IRAK1BP1: variants seen among roughly 807,000 people sequenced by gnomAD.
IRAK1BP1 encodes interleukin 1 receptor associated kinase 1 binding protein 1, also known as interleukin-1 receptor-associated kinase 1-binding protein 1.
In IRAK1BP1, 24 loss-of-function variants were observed where a neutral mutation model predicts 28.0. The ratio of observed to expected loss-of-function variants is 0.86; its 90% confidence interval spans 0.62 to 1.20. IRAK1BP1 has a LOEUF of 1.20. Among genes scored for constraint, IRAK1BP1 ranks in the 50% most tolerant of loss-of-function variants. The pLI, the probability that IRAK1BP1 is intolerant of heterozygous loss-of-function variation, is 0.00. For missense variants in IRAK1BP1, 336 were observed against 316.7 expected, an observed-to-expected ratio of 1.06 and a Z score of -0.46; for synonymous variants, 131 against 116.3, an observed-to-expected ratio of 1.13 and a Z score of -0.81.
chr6:78,975,905 C>A, the IRAK1BP1 span, among the ~76,000 whole-genome samples: 1 of 150,274 alleles, frequency 6.7e-6, no homozygotes. Context: ...ACATTCCATG[C>A]TCATGGGTAG....
At chr6:78,957,780 A>G in the IRAK1BP1 span, 1 of 152,002 alleles carries the variant, frequency 6.6e-6, no homozygotes, top group African/African-American at 2.4e-5. Context: ...TAGGAGGCTC[A>G]ATTCATTATA....
downstream of IRAK1BP1, chr6:78,946,596 C>A: frequency 1.4e-6 from 2 of 1,424,228 alleles, no homozygotes; most frequent in Non-Finnish European, 1.8e-6. Context: ...ACTTGCATGT[C>A]AAATTATCAT....
intron 2 of IRAK1BP1, among the ~76,000 whole-genome samples, chr6:78,888,360 A>G (rs977671660): frequency 6.6e-6 from 1 of 152,186 alleles, no homozygotes; most frequent in Non-Finnish European, 1.5e-5. Context: ...TCATACACAT[A>G]CACAAAGGAC....
chr6:78,946,001 T>C lies in IRAK1BP1; in HGVS notation c.*661T>C, dbSNP rs201316256. On this transcript the variant is annotated 3_prime_UTR_variant and NMD_transcript_variant, in exon 5 of 5. Transcript: ENST00000606868. ...TTTCAATTTAGAAAGTGAGTCTTACTTGTTTTCCCTGGTATTGCAGATGCA... is the reference window on the plus strand; with the variant it reads ...TTTCAATTTAGAAAGTGAGTCTTACCTGTTTTCCCTGGTATTGCAGATGCA... 199 of 1,600,268 alleles carry C rather than the reference T, an allele frequency of 1.2e-4. 1 individual carries two copies. The South Asian group carries it at 1.6e-3, about 13-fold the overall frequency.
At chr6:78,887,260 A>G (rs780201390) in intron 2 of IRAK1BP1, among the ~76,000 whole-genome samples, 1 of 152,206 alleles carries the variant, frequency 6.6e-6, no homozygotes, top group Non-Finnish European at 1.5e-5. Context: ...AGACATACAG[A>G]TGGACAAAAG....
At chr6:78,874,370 A>G (rs936513770) in intron 1 of IRAK1BP1, among the ~76,000 whole-genome samples, 1 of 152,086 alleles carries the variant, frequency 6.6e-6, no homozygotes, top group African/African-American at 2.4e-5. Context: ...GGAAGAGTGT[A>G]TGACATGAGG....
intron 1 of IRAK1BP1, among the ~76,000 whole-genome samples, chr6:78,882,037 G>T (rs2127643769): frequency 6.6e-6 from 1 of 152,152 alleles, no homozygotes; most frequent in East Asian, 1.9e-4. Context: ...ATATATATAT[G>T]TAACCTAGCT....
chr6:78,936,644 T>C lies in IRAK1BP1; in HGVS notation c.*68-8764T>C, dbSNP rs1309230403. 2.6e-5 allele frequency: 4 copies of C among 152,012 alleles called. No individual in the cohort carries two copies. The East Asian group carries it at 7.7e-4, about 29-fold the overall frequency. The allele number at this position is 152,012 out of a possible 1,614,324, so 9.4% of individuals were successfully genotyped here. A position where few individuals can be genotyped will look rare whatever the true frequency, so the allele number is the denominator to read the frequency against. On this transcript the variant is annotated intron_variant and NMD_transcript_variant, in intron 4 of 4. Transcript: ENST00000606868. ...AAAAAAGTATTTCAACACAGAGCTA[T>C]CAAAACTAAAAATAATATCTATTTA...
At chr6:78,911,278 C>A (rs1334976916) in intron 4 of IRAK1BP1, among the ~76,000 whole-genome samples, 1 of 152,140 alleles carries the variant, frequency 6.6e-6, no homozygotes, top group Non-Finnish European at 1.5e-5. Context: ...ACTCTGATTG[C>A]GTTCTTCCCA....
rs2127674091 is a variant in IRAK1BP1 at position 78,937,133 on chromosome 6, G to T, written c.*68-8275G>T. 5 of 151,760 alleles carry T rather than the reference G, an allele frequency of 3.3e-5. No homozygotes were observed. The South Asian group carries it at 1.0e-3, about 31-fold the overall frequency. 9.4% of individuals were successfully genotyped at this position (151,760 alleles called of 1,614,324 possible). On this transcript the variant is annotated intron_variant and NMD_transcript_variant, in intron 4 of 4. Coordinates refer to the IRAK1BP1 transcript ENST00000606868. ...CACTTACAGTCCTTTAATCACTCAA[G>T]TATCTTGGTCCTTTCAACCTACTCA...
At chr6:78,946,729 GA>G, downstream of IRAK1BP1, 1 of 1,576,940 alleles carries the variant, frequency 6.3e-7, no homozygotes, top group Non-Finnish European at 8.6e-7. Flanking sequence ...AGCACTACTG[GA>G]AACAGAGCTG....
At chr6:78,910,776 C>T (rs1772388863) in intron 4 of IRAK1BP1, among the ~76,000 whole-genome samples, 1 of 152,258 alleles carries the variant, frequency 6.6e-6, no homozygotes, top group Non-Finnish European at 1.5e-5. Flanking sequence ...CTGCCCCAGA[C>T]ACGCACACCC....
the IRAK1BP1 span, chr6:78,970,682 T>C: frequency 1.4e-6 from 1 of 721,040 alleles, no homozygotes; most frequent in East Asian, 2.7e-5. Context: ...ATCTTCATGA[T>C]GCAGTTTCTT....
chr6:78,918,071 A>G (rs984099199), intron 4 of IRAK1BP1, among the ~76,000 whole-genome samples: 15 of 152,180 alleles, frequency 9.9e-5, no homozygotes, highest in South Asian at 2.1e-4. Flanking sequence ...AAAACCTCAC[A>G]TATCTTGCTT....
intron 1 of IRAK1BP1, among the ~76,000 whole-genome samples, chr6:78,869,589 TAAGA>T (rs1302196502): frequency 6.6e-6 from 1 of 152,136 alleles, no homozygotes; most frequent in Non-Finnish European, 1.5e-5. Context: ...AGGCAAGACA[TAAGA>T]AAGACAGTAA....
chr6:78,903,617 C>G (rs1201629028), downstream of IRAK1BP1, among the ~76,000 whole-genome samples: 1 of 151,418 alleles, frequency 6.6e-6, no homozygotes, highest in African/African-American at 2.4e-5. Flanking sequence ...GGTGAAAGTT[C>G]TAATCTAAAA....
At chr6:78,961,564 C>T in the IRAK1BP1 span, 1 of 833,702 alleles carries the variant, frequency 1.2e-6, no homozygotes, top group East Asian at 2.9e-5. Context: ...TACATTTTAA[C>T]ATAATCCCCA....
At chr6:78,946,301 A>G (rs1235013254) in exon 5 of IRAK1BP1, 1 of 1,546,772 alleles carries the variant, frequency 6.5e-7, no homozygotes, top group Non-Finnish European at 8.8e-7. Context: ...TTATAGCTCT[A>G]TGTGAACGAA....
chr6:78,937,232 T>G (rs1395701409), intron 4 of IRAK1BP1: 1 of 151,716 alleles, frequency 6.6e-6, no homozygotes, highest in Non-Finnish European at 1.5e-5. Context: ...AAAAGTTGCT[T>G]CTAGCTGACA....
Sources: gnomAD v4.1 joint callset for allele counts (sites outside exome capture counted in the v4.1 genomes callset) on GRCh38, gnomAD v4.1.1 for gene constraint, MANE v1.5 for transcripts, NCBI Gene and HGNC (gene_info 2026-07-23, HGNC 2026-07-21) for gene names.